Variants in POTEC observed in about 807,000 individuals in gnomAD.
POTEC encodes ANKRD26-like family B member 2.
POTEC carries 35 observed loss-of-function variants against 62.0 expected under a neutral mutation model. That is an observed-to-expected ratio of 0.56 (90% CI 0.43 to 0.75). The LOEUF is 0.75. Ranked by LOEUF, POTEC falls within the 30% of genes least tolerant of loss-of-function variation. The pLI is 0.00. For synonymous variants in POTEC, 156 were observed against 221.5 expected, an observed-to-expected ratio of 0.70 and a Z score of 2.62; for missense variants, 472 against 655.9, an observed-to-expected ratio of 0.72 and a Z score of 3.06.
At chr18:14,525,918 T>C (rs1910423276) in intron 6 of POTEC, among the ~76,000 whole-genome samples, 1 of 152,122 alleles carries the variant, frequency 6.6e-6, no homozygotes, top group African/African-American at 2.4e-5. Context: ...TGTTTTTTTG[T>C]TTGAGCCAGG....
In POTEC at chr18:14,507,805, T is replaced by G. The variant is rs1209339214; in HGVS notation, c.*4093A>C. The G allele has an allele frequency of 6.6e-6, 1 of 152,244 alleles. No homozygotes were observed. The highest frequency in any genetic ancestry group is 1.5e-5 in the Non-Finnish European group (1 of 68,046). 9.4% of individuals were successfully genotyped at this position (152,244 alleles called of 1,614,324 possible). On this transcript the variant is annotated 3_prime_UTR_variant, in exon 11 of 11. Coordinates refer to ENST00000358970, the MANE Select transcript of POTEC (RefSeq NM_001137671.2). The stretch of plus-strand genomic sequence containing the variant: ...CGAATTCCCTCAGCATTTGCTTGTC[T>G]GAAAACGATCTTGTTTCTCCTTCAC...
intron 5 of POTEC, among the ~76,000 whole-genome samples, chr18:14,530,945 T>C (rs1471726379): frequency 1.3e-5 from 2 of 152,094 alleles, no homozygotes; most frequent in Non-Finnish European, 2.9e-5. Context: ...ACTAGGTTGT[T>C]ATAAAGATTT....
intron 9 of POTEC, among the ~76,000 whole-genome samples, chr18:14,515,019 G>A (rs1448516386): frequency 3.9e-5 from 6 of 152,134 alleles, no homozygotes; most frequent in Non-Finnish European, 5.9e-5. Context: ...ATCTATCAAA[G>A]GATAACTGGA....
intron 9 of POTEC, among the ~76,000 whole-genome samples, chr18:14,515,414 C>T (rs71259663): frequency 6.6e-6 from 1 of 151,996 alleles, no homozygotes; most frequent in Non-Finnish European, 1.5e-5. Context: ...CAAATGATCT[C>T]TGAGAAAGGA....
At chr18:14,519,398 A>T (rs1910250533) in intron 9 of POTEC, among the ~76,000 whole-genome samples, 1 of 152,264 alleles carries the variant, frequency 6.6e-6, no homozygotes, top group East Asian at 1.9e-4. Flanking sequence ...TACATTTGGA[A>T]ATCACTAGCA....
chr18:14,529,553 G>A (rs112256829), intron 6 of POTEC, among the ~76,000 whole-genome samples: 10,444 of 152,190 alleles, frequency 0.069, 415 homozygotes, highest in Non-Finnish European at 0.078. Flanking sequence ...CAATGTATTA[G>A]GTGTCCACAA....
At chr18:14,520,365 T>C (rs1910279056) in intron 9 of POTEC, among the ~76,000 whole-genome samples, 1 of 150,708 alleles carries the variant, frequency 6.6e-6, no homozygotes, top group African/African-American at 2.4e-5. Flanking sequence ...TGATTATTAT[T>C]TTGTTCATGC....
At chr18:14,536,263 G>T (rs1043696990) in intron 3 of POTEC, among the ~76,000 whole-genome samples, 1 of 144,956 alleles carries the variant, frequency 6.9e-6, no homozygotes, top group African/African-American at 2.6e-5. Flanking sequence ...TATTGGAAAG[G>T]AAAGATTTAA....
Position 14,537,776 on chromosome 18 carries a change from G to C in POTEC, c.810+25C>G, listed in dbSNP as rs752277341. ...TAACACGAATGCATTTCAGTATTTTGAAGATAAAATTGGTAGATCTATACC... is the reference window on the plus strand; with the variant it reads ...TAACACGAATGCATTTCAGTATTTTCAAGATAAAATTGGTAGATCTATACC... On this transcript the variant is annotated intron_variant, in intron 3 of 10. Transcript: ENST00000358970. 2.4e-5 allele frequency: 38 copies of C among 1,608,944 alleles called. No individual in the cohort carries two copies. In the East Asian group the frequency reaches 8.3e-4, roughly 35 times the overall value.
chr18:14,519,521 AGGCTGGC>A (rs1910254132), intron 9 of POTEC, among the ~76,000 whole-genome samples: 1 of 152,156 alleles, frequency 6.6e-6, no homozygotes. Context: ...GTTTGAAACC[AGGCTGGC>A]CAACATGGGG....
At chr18:14,519,554 TA>T (rs1470336531) in intron 9 of POTEC, among the ~76,000 whole-genome samples, 22 of 151,918 alleles carry the variant, frequency 1.4e-4, no homozygotes, top group Admixed American at 1.4e-3. Context: ...CTGTGTCTAC[TA>T]AAAATACAAA....
intron 4 of POTEC, among the ~76,000 whole-genome samples, chr18:14,534,179 G>T (rs1206788877): frequency 1.4e-5 from 2 of 145,850 alleles, no homozygotes; most frequent in Non-Finnish European, 3.0e-5. Context: ...GCGGTGTTTG[G>T]TTTTTTGTTC....
rs73960828 is a variant in POTEC, at chr18:14,513,530, C to T, written c.1533+132G>A. ...CAAGGATATACAGGGTGTGTGTTTACATATATACACACACACACACACACA... is the reference window on the plus strand; with the variant it reads ...CAAGGATATACAGGGTGTGTGTTTATATATATACACACACACACACACACA... On this transcript the variant is annotated intron_variant, in intron 10 of 10. Transcript: ENST00000358970. 18 of 1,162,688 alleles carry T rather than the reference C, an allele frequency of 1.5e-5. No individual in the cohort carries two copies. The Middle Eastern group carries it at 1.8e-3, about 116-fold the overall frequency. 72.0% of individuals were successfully genotyped at this position (1,162,688 alleles called of 1,614,324 possible). A position where few individuals can be genotyped will look rare whatever the true frequency, so the allele number is the denominator to read the frequency against.
At chr18:14,521,263 T>C (rs1363383122) in intron 9 of POTEC, among the ~76,000 whole-genome samples, 1 of 152,170 alleles carries the variant, frequency 6.6e-6, no homozygotes, top group Non-Finnish European at 1.5e-5. Flanking sequence ...AGCGTGTAGC[T>C]TCCATTTGCA....
At chr18:14,525,889 A>T (rs1281803107) in intron 6 of POTEC, among the ~76,000 whole-genome samples, 1 of 152,014 alleles carries the variant, frequency 6.6e-6, no homozygotes, top group Non-Finnish European at 1.5e-5. Flanking sequence ...ACAAATTTAT[A>T]TTCATTTTTC....
rs1360329374 is a variant in POTEC at position 14,535,050 on chromosome 18, A to T, written c.811-43T>A. 23 of 1,594,746 alleles carry T rather than the reference A, an allele frequency of 1.4e-5. No individual in the cohort carries two copies. The South Asian group carries it at 2.2e-4, about 16-fold the overall frequency. ...ACAAAAACAATATGTAATTCAAAAA[A>T]TTATGTATTTCTCAACTGAACTGGA... On this transcript the variant is annotated intron_variant, in intron 3 of 10. Coordinates refer to ENST00000358970, the MANE Select transcript of POTEC (RefSeq NM_001137671.2).
intron 9 of POTEC, among the ~76,000 whole-genome samples, chr18:14,514,340 G>C (rs1910092117): frequency 6.6e-6 from 1 of 151,802 alleles, no homozygotes; most frequent in African/African-American, 2.4e-5. Context: ...GAGAGTGGCT[G>C]TAAACAGATG....
intron 5 of POTEC, among the ~76,000 whole-genome samples, chr18:14,531,249 A>T (rs1258434538): frequency 6.6e-6 from 1 of 151,014 alleles, no homozygotes; most frequent in Admixed American, 6.6e-5. Context: ...GTGATTGTCC[A>T]CTATTACGGA....
chr18:14,529,143 A>G (rs1910514136), intron 6 of POTEC: 1 of 362,084 alleles, frequency 2.8e-6, no homozygotes, highest in Non-Finnish European at 5.3e-6. Flanking sequence ...CACATAATTA[A>G]TATATAATAA....
Sources: gnomAD v4.1 joint callset for allele counts (sites outside exome capture counted in the v4.1 genomes callset) on GRCh38, gnomAD v4.1.1 for gene constraint, MANE v1.5 for transcripts, NCBI Gene and HGNC (gene_info 2026-07-23, HGNC 2026-07-21) for gene names.